Variants in ECE1 observed in about 807,000 individuals in gnomAD.
ECE1 encodes endothelin-converting enzyme 1.
Under a neutral mutation model 98.6 loss-of-function variants are expected in ECE1, and 35 were observed. That is an observed-to-expected ratio of 0.35 (90% CI 0.27 to 0.47). The LOEUF (loss-of-function observed/expected upper bound fraction) is 0.47. Ranked by LOEUF, ECE1 falls within the 20% of genes least tolerant of loss-of-function variation. ECE1 has a pLI of 1.00. For synonymous variants in ECE1, 394 were observed against 407.1 expected, an observed-to-expected ratio of 0.97 and a Z score of 0.39; for missense variants, 814 against 1,025.3, an observed-to-expected ratio of 0.79 and a Z score of 2.81.
intron 1 of ECE1, among the ~76,000 whole-genome samples, chr1:21,318,995 G>T (rs1188785406): frequency 6.6e-6 from 1 of 152,218 alleles, no homozygotes; most frequent in African/African-American, 2.4e-5. Context: ...TGGGTTTTCA[G>T]TGGAGCTGGG....
intron 1 of ECE1, among the ~76,000 whole-genome samples, chr1:21,311,297 C>T (rs575799896): frequency 6.6e-6 from 1 of 152,156 alleles, no homozygotes; most frequent in African/African-American, 2.4e-5. Context: ...AGCATCTGTG[C>T]CCTCCTCTGT....
intron 9 of ECE1, among the ~76,000 whole-genome samples, chr1:21,246,850 C>T (rs576771693): frequency 3.3e-5 from 5 of 152,244 alleles, no homozygotes; most frequent in African/African-American, 1.2e-4. Context: ...GTAGAGACAC[C>T]GTCTCGCCAT....
Position 21,260,299 on chromosome 1 carries a change from G to A in ECE1, c.587C>T (p.Ala196Val). The change falls in exon 5 of 19, where the codon GCC becomes GTC. Residue 196 changes from alanine to valine, a missense_variant. This residue lies in a region of ECE1 where 257 missense variants were observed against 278.9 expected (regional missense o/e 0.92). Transcript: ENST00000374893. This position sits in a 1 kb window ranked among gnomAD's most constrained non-coding sequence, Gnocchi z 4.3. ...CTCAATCAACTCCATTAGAGGTTTG[G>A]CCCTGAGCTCCTCGATCCTGGTCTC... is the stretch of plus-strand genomic sequence containing the variant. ...MNETRIEELRAKPLMELIERL... is the reference protein window; with the variant it reads ...MNETRIEELRVKPLMELIERL... 2 of 1,614,232 alleles carry A rather than the reference G, an allele frequency of 1.2e-6. No homozygotes were observed. The highest frequency in any genetic ancestry group is 1.7e-6 in the Non-Finnish European group (2 of 1,180,046).
At chr1:21,266,592 G>T (rs185535131) in intron 4 of ECE1, 1 of 152,228 alleles carries the variant, frequency 6.6e-6, no homozygotes, top group Admixed American at 6.5e-5. Flanking sequence ...GCCCAGGTGC[G>T]TGAAGAAACT....
intron 1 of ECE1, among the ~76,000 whole-genome samples, chr1:21,326,094 G>A (rs943614701): frequency 1.3e-5 from 2 of 152,144 alleles, no homozygotes; most frequent in African/African-American, 2.4e-5. Flanking sequence ...CTGGACCTAT[G>A]AGCATGTTTC....
chr1:21,340,882 C>T lies in ECE1; in HGVS notation c.3+4494G>A, dbSNP rs1639384972. ...TAAAAAATAAACTCCTGAGTGGCTC[C>T]CCACTGCCCTAAGGATTGAGCCCCA... On this transcript the variant is annotated intron_variant, in intron 1 of 18. Transcript: ENST00000415912. The surrounding 1 kb of genome is among the most constrained non-coding windows in gnomAD (Gnocchi z 4.6). Among the ~76,000 whole-genome samples, 1 of 152,024 alleles carries T rather than the reference C, an allele frequency of 6.6e-6. No homozygotes were observed. The highest frequency in any genetic ancestry group is 2.1e-4 in the South Asian group (1 of 4,822).
At chr1:21,331,439 G>A (rs189200298) in intron 1 of ECE1, among the ~76,000 whole-genome samples, 8 of 152,052 alleles carry the variant, frequency 5.3e-5, no homozygotes, top group African/African-American at 1.7e-4. Context: ...AAACTTAGCC[G>A]GGTATGGTGG....
intron 2 of ECE1, among the ~76,000 whole-genome samples, chr1:21,284,523 CAGAA>C (rs1299691980): frequency 3.3e-5 from 5 of 152,182 alleles, no homozygotes; most frequent in East Asian, 1.9e-4. Context: ...GCCAGAGAAA[CAGAA>C]AGAGCGAGAG....
At chr1:21,280,159 C>T (rs995350765) in intron 2 of ECE1, 3 of 152,336 alleles carry the variant, frequency 2.0e-5, no homozygotes, top group East Asian at 1.9e-4. Flanking sequence ...CAATGGGGGC[C>T]GACAGCCCAG....
intron 10 of ECE1, among the ~76,000 whole-genome samples, chr1:21,244,730 A>T (rs1558381950): frequency 2.0e-5 from 3 of 152,274 alleles, no homozygotes; most frequent in East Asian, 3.9e-4. Context: ...GGGGCTAATA[A>T]CAGTACTCAC....
rs1370152380 is a variant in ECE1, at chr1:21,217,876, G to C, written c.*2079C>G. On this transcript the variant is annotated 3_prime_UTR_variant, in exon 19 of 19. Coordinates refer to ENST00000374893, the MANE Select transcript of ECE1 (RefSeq NM_001397.3). ...TGGAGGCAGATCCCAAGGTGGCAGGGGTGTCCCTGTGCCGTCTGCTTCCTC... is the reference window on the plus strand; with the variant it reads ...TGGAGGCAGATCCCAAGGTGGCAGGCGTGTCCCTGTGCCGTCTGCTTCCTC... 2 of 152,550 alleles carry C rather than the reference G, an allele frequency of 1.3e-5. No individual in the cohort carries two copies. Among genetic ancestry groups the C allele is most frequent in the Non-Finnish European group, 2.9e-5 (2 of 68,292 alleles). 9.4% of individuals were successfully genotyped at this position (152,550 alleles called of 1,614,324 possible).
At chr1:21,238,318 G>T in intron 10 of ECE1, 74 bp from the exon 11 acceptor site, 1 of 1,166,702 alleles carries the variant, frequency 8.6e-7, no homozygotes, top group Non-Finnish European at 1.3e-6. Flanking sequence ...CTGGGAGGTA[G>T]CACCATGTGG....
Position 21,340,844 on chromosome 1 carries a change from A to G in ECE1, c.3+4532T>C, listed in dbSNP as rs1259818745. On this transcript the variant is annotated intron_variant, in intron 1 of 18. Coordinates refer to the ECE1 transcript ENST00000415912. This position sits in a 1 kb window ranked among gnomAD's most constrained non-coding sequence, Gnocchi z 4.6. ...AAGACTATGTCTCAATAAATAAGTA[A>G]ATTAATTAAATTTAAAAAATAAACT... 6.6e-6 allele frequency among the ~76,000 whole-genome samples: 1 copy of G among 151,998 alleles called. No homozygotes were observed. The highest frequency in any genetic ancestry group is 1.5e-5 in the Non-Finnish European group (1 of 68,014).
chr1:21,317,915 G>C (rs964112209), intron 1 of ECE1, among the ~76,000 whole-genome samples: 1 of 152,234 alleles, frequency 6.6e-6, no homozygotes, highest in Non-Finnish European at 1.5e-5. Flanking sequence ...TTCAAATCCA[G>C]GCTCGGGGTG....
In ECE1 at chr1:21,260,443, G is replaced by T; in HGVS notation, c.494-51C>A. The T allele has an allele frequency of 6.2e-7, 1 of 1,611,934 alleles. No individual in the cohort carries two copies. On this transcript the variant is annotated intron_variant, in intron 4 of 18. Coordinates refer to ENST00000374893, the MANE Select transcript of ECE1 (RefSeq NM_001397.3). The surrounding 1 kb of genome is among the most constrained non-coding windows in gnomAD (Gnocchi z 4.3). Reference sequence around the variant, plus strand: ...CAATGCGGCCCCACTTGCCCACTGGGTGGCTTTGGGGCAGTCCCTCTTTTC... The same window carrying T: ...CAATGCGGCCCCACTTGCCCACTGGTTGGCTTTGGGGCAGTCCCTCTTTTC...
intron 1 of ECE1, among the ~76,000 whole-genome samples, chr1:21,328,765 A>G (rs976931548): frequency 3.3e-4 from 32 of 96,944 alleles, no homozygotes; most frequent in East Asian, 6.4e-4. Flanking sequence ...CTCCATCTCG[A>G]AAAAAAAAAA....
At chr1:21,342,461 G>T (rs1329122036) in intron 1 of ECE1, among the ~76,000 whole-genome samples, 1 of 152,078 alleles carries the variant, frequency 6.6e-6, no homozygotes, top group Non-Finnish European at 1.5e-5. Context: ...GAGAAAACAG[G>T]GGGAGACGGT....
chr1:21,317,961 C>T (rs943856286), intron 1 of ECE1, among the ~76,000 whole-genome samples: 4 of 152,200 alleles, frequency 2.6e-5, no homozygotes, highest in Admixed American at 6.5e-5. Context: ...TCAGAGCCAC[C>T]GCGATCTCTT....
At position 21,319,020 on chromosome 1, in the gene ECE1, C is replaced by T. The variant is rs896636388; in HGVS notation, c.3+26356G>A. ...GTGGAGCTGGGTCTGTACAATCTCC[C>T]GGGCTCCGTTTTCTCATCAGCTAAG... On this transcript the variant is annotated intron_variant, in intron 1 of 18. Coordinates refer to the ECE1 transcript ENST00000415912. This position sits in a 1 kb window ranked among gnomAD's most constrained non-coding sequence, Gnocchi z 4.4. Among the ~76,000 whole-genome samples the T allele has an allele frequency of 6.6e-6, 1 of 152,192 alleles. No individual in the cohort carries two copies. Among genetic ancestry groups the T allele is most frequent in the Non-Finnish European group, 1.5e-5 (1 of 68,028 alleles).
Sources: allele counts gnomAD v4.1 joint callset (sites outside exome capture counted in the v4.1 genomes callset), GRCh38; gene constraint gnomAD v4.1.1; regional missense constraint gnomAD v4.1.1; non-coding constraint Gnocchi (gnomAD v3.1); transcripts MANE v1.5; gene names NCBI Gene and HGNC (gene_info 2026-07-23, HGNC 2026-07-21).